Variants in DYTN observed in about 807,000 individuals in gnomAD.
The protein encoded by DYTN is dystrotelin.
A neutral mutation model predicts 69.6 loss-of-function variants in DYTN; 75 were observed. The ratio of observed to expected loss-of-function variants is 1.08; its 90% CI spans 0.89 to 1.31. The LOEUF is 1.31. Among genes scored for constraint, DYTN ranks in the 50% most tolerant of loss-of-function variants. The probability of loss-of-function intolerance (pLI) is 0.00; values close to 1 mark genes in which losing one functional copy is unlikely to be tolerated. For missense variants in DYTN, 726 were observed against 688.4 expected, an observed-to-expected ratio of 1.05 and a Z score of -0.61; for synonymous variants, 252 against 249.1, an observed-to-expected ratio of 1.01 and a Z score of -0.11.
intron 9 of DYTN, among the ~76,000 whole-genome samples, chr2:206,677,739 C>T (rs375278945): frequency 6.6e-6 from 1 of 152,104 alleles, no homozygotes; most frequent in Non-Finnish European, 1.5e-5. Flanking sequence ...ACCTGTAATC[C>T]CAGCACTTTG....
intron 9 of DYTN, chr2:206,678,896 T>C (rs2105893046): frequency 6.6e-6 from 1 of 152,342 alleles, no homozygotes; most frequent in Middle Eastern, 3.4e-3. Flanking sequence ...AGATTTTTCC[T>C]TGGTCATATG....
intron 1 of DYTN, among the ~76,000 whole-genome samples, chr2:206,717,079 A>ACAC (rs1194032966): frequency 4.1e-4 from 56 of 137,332 alleles, no homozygotes; most frequent in African/African-American, 1.2e-3. Context: ...CACACACACA[A>ACAC]AACAAACTCA....
In DYTN at chr2:206,711,311, G is replaced by A. The variant is rs1029607631; in HGVS notation, c.20-713C>T. On this transcript the variant is annotated intron_variant, in intron 1 of 11. Coordinates refer to ENST00000452335, the MANE Select transcript of DYTN (RefSeq NM_001093730.1). ...CATCACCAATAGCAGTACAACAATA[G>A]CGAGCATTCCTGAGCACTGAGTGTG... Among the ~76,000 whole-genome samples the A allele has an allele frequency of 2.6e-5, 4 of 152,226 alleles. No homozygotes were observed. The East Asian group carries it at 7.7e-4, about 29-fold the overall frequency.
chr2:206,699,822 C>A lies in DYTN; in HGVS notation c.624G>T (p.Leu208=), dbSNP rs116493063. Residue 208 remains leucine, a synonymous_variant, in exon 7 of 12, where the codon CTG becomes CTT. Coordinates refer to ENST00000452335, the MANE Select transcript of DYTN (RefSeq NM_001093730.1). ...SWVQSEPPIL[L]WLPTCHRLSA... ...ATAACCGGTGGCAGGTCGGGAGCCA[C>A]AGGAGGATGGGAGGCTCAGATTGGA... The A allele has an allele frequency of 6.9e-3, 11,144 of 1,613,878 alleles. 50 individuals are homozygous for A. The highest frequency in any genetic ancestry group is 8.2e-3 in the Non-Finnish European group (9,732 of 1,179,824).
At chr2:206,706,393 A>G (rs1190368599) in intron 3 of DYTN, among the ~76,000 whole-genome samples, 4 of 152,182 alleles carry the variant, frequency 2.6e-5, no homozygotes, top group African/African-American at 9.7e-5. Context: ...AGACAGGCAC[A>G]GATAATAGAA....
chr2:206,652,273 G>T (rs1213886515), intron 11 of DYTN, among the ~76,000 whole-genome samples: 4 of 152,146 alleles, frequency 2.6e-5, no homozygotes, highest in Non-Finnish European at 5.9e-5. Flanking sequence ...TTCAGATTCT[G>T]TTCAGGTGGG....
chr2:206,698,138 A>G (rs1699940482), intron 7 of DYTN, among the ~76,000 whole-genome samples: 1 of 152,176 alleles, frequency 6.6e-6, no homozygotes, highest in African/African-American at 2.4e-5. Flanking sequence ...ATTGTCCAAT[A>G]TAAATAATTT....
chr2:206,664,894 T>C (rs1699553501), intron 10 of DYTN, among the ~76,000 whole-genome samples: 1 of 152,208 alleles, frequency 6.6e-6, no homozygotes, highest in Non-Finnish European at 1.5e-5. Flanking sequence ...ATGACCAATG[T>C]ATAATGTTAC....
At chr2:206,707,118 T>G (rs1271736641) in intron 3 of DYTN, among the ~76,000 whole-genome samples, 184 bp downstream of exon 3, 1 of 152,192 alleles carries the variant, frequency 6.6e-6, no homozygotes, top group Middle Eastern at 3.2e-3. Flanking sequence ...GTCATTTATA[T>G]TCCTAAAGCC....
rs552234397 is a variant in DYTN, at chr2:206,698,129, T to C, written c.719+1598A>G. Among the ~76,000 whole-genome samples the C allele has an allele frequency of 5.9e-5, 9 of 152,328 alleles. No individual in the cohort carries two copies. In the East Asian group the frequency reaches 1.7e-3, roughly 29 times the overall value. On this transcript the variant is annotated intron_variant, in intron 7 of 11. Coordinates refer to ENST00000452335, the MANE Select transcript of DYTN (RefSeq NM_001093730.1). ...GGCAAATCATATTCAGATTTCCCCATTGTCCAATATAAATAATTTATTTTT... is the reference window on the plus strand; with the variant it reads ...GGCAAATCATATTCAGATTTCCCCACTGTCCAATATAAATAATTTATTTTT...
In DYTN at chr2:206,702,910, C is replaced by T. The variant is rs1257359253; in HGVS notation, c.483+1933G>A. Among the ~76,000 whole-genome samples, 5 of 152,070 alleles carry T rather than the reference C, an allele frequency of 3.3e-5. No individual in the cohort carries two copies. In the East Asian group the frequency reaches 5.8e-4, roughly 18 times the overall value. The stretch of plus-strand genomic sequence containing the variant: ...AATTAAACATGGCTAGATGGCACAC[C>T]GGCACAGGCAGACACCACTTGAAAC... On this transcript the variant is annotated intron_variant, in intron 5 of 11. Coordinates refer to ENST00000452335, the MANE Select transcript of DYTN (RefSeq NM_001093730.1).
intron 9 of DYTN, 84 bp downstream of exon 9, chr2:206,693,091 A>G (rs1699882133): frequency 1.4e-6 from 2 of 1,476,484 alleles, no homozygotes; most frequent in Non-Finnish European, 1.8e-6. Context: ...CTTCAGCATT[A>G]GAAAGATTGC....
intron 10 of DYTN, among the ~76,000 whole-genome samples, chr2:206,663,981 G>A (rs544782744): frequency 1.3e-5 from 2 of 152,138 alleles, no homozygotes; most frequent in East Asian, 3.9e-4. Flanking sequence ...AAATCAATAA[G>A]TAAAGCTGTT....
Position 206,660,357 on chromosome 2 carries a change from T to TA in DYTN, c.1633+2545dup, listed in dbSNP as rs376227392. Among the ~76,000 whole-genome samples, 201 of 152,350 alleles carry TA rather than the reference T, an allele frequency of 1.3e-3. 4 individuals are homozygous for TA. Among genetic ancestry groups the TA allele is most frequent in the African/African-American group, 4.6e-3 (193 of 41,580 alleles). On this transcript the variant is annotated intron_variant, in intron 11 of 11. Coordinates refer to ENST00000452335, the MANE Select transcript of DYTN (RefSeq NM_001093730.1). ...GTATTAAACTGCACAAGTATTGGGA[T>TA]ACTGCCTTCCAAATATGTGTAGTAG...
chr2:206,662,560 T>A (rs1028239098), intron 11 of DYTN, among the ~76,000 whole-genome samples: 1 of 152,002 alleles, frequency 6.6e-6, no homozygotes, highest in African/African-American at 2.4e-5. Context: ...TCACCATTTT[T>A]AAATGGTGAC....
In DYTN at chr2:206,695,825, C is replaced by T. The variant is rs1219138414; in HGVS notation, c.720-948G>A. On this transcript the variant is annotated intron_variant, in intron 7 of 11. Transcript: ENST00000452335. ...GTTGGTGAGAACCAGGCAGCAGCTA[C>T]TCCTTTTAGACTGGACATACAGTTC... 3.9e-5 allele frequency among the ~76,000 whole-genome samples: 6 copies of T among 152,336 alleles called. No homozygotes were observed. In the East Asian group the frequency reaches 1.2e-3, roughly 29 times the overall value.
At chr2:206,687,364 TG>T (rs1323068616) in intron 9 of DYTN, 1 of 152,626 alleles carries the variant, frequency 6.6e-6, no homozygotes, top group African/African-American at 2.4e-5. Context: ...GGGAGGTCCC[TG>T]TTTTGAATTC....
At chr2:206,664,642 A>T (rs1426082983) in intron 10 of DYTN, among the ~76,000 whole-genome samples, 1 of 152,222 alleles carries the variant, frequency 6.6e-6, no homozygotes, top group Non-Finnish European at 1.5e-5. Flanking sequence ...AGCCTGGATG[A>T]CAGAGCAAGA....
chr2:206,693,118 C>A, intron 9 of DYTN, 57 bp downstream of exon 9: 1 of 1,533,572 alleles, frequency 6.5e-7, no homozygotes, highest in Non-Finnish European at 8.7e-7. Context: ...GTTACCATAA[C>A]ACCCAGGGCC....
Sources: gnomAD v4.1 joint callset for allele counts (sites outside exome capture counted in the v4.1 genomes callset) on GRCh38, gnomAD v4.1.1 for gene constraint, MANE v1.5 for transcripts, NCBI Gene and HGNC (gene_info 2026-07-23, HGNC 2026-07-21) for gene names.